ERCC6L2: variants seen among roughly 807,000 people sequenced by gnomAD.
ERCC6L2 encodes the protein ERCC excision repair 6 like 2, also known as DNA excision repair protein ERCC-6-like 2.
Under a neutral mutation model 132.0 loss-of-function variants are expected in ERCC6L2, and 77 were observed. That is an observed-to-expected ratio of 0.58 (90% CI 0.49 to 0.71). The LOEUF (loss-of-function observed/expected upper bound fraction) is 0.71. ERCC6L2 is among the 30% of genes least tolerant of loss of function. The pLI is 0.00. For synonymous variants in ERCC6L2, 583 were observed against 632.4 expected (o/e 0.92, Z 1.17); for missense variants, 1,542 against 1,837.6 (o/e 0.84, Z 2.94).
intron 17 of ERCC6L2, among the ~76,000 whole-genome samples, chr9:95,979,073 C>T (rs1464448240): frequency 6.6e-6 from 1 of 152,090 alleles, no homozygotes; most frequent in Non-Finnish European, 1.5e-5. Flanking sequence ...AAGTTTAAGA[C>T]AGGGAGAAAG....
chr9:95,884,950 A>T (rs1034985303), intron 2 of ERCC6L2, among the ~76,000 whole-genome samples: 1 of 152,122 alleles, frequency 6.6e-6, no homozygotes, highest in Non-Finnish European at 1.5e-5. Flanking sequence ...TTTTAAGGTG[A>T]ATTGGAAGGA....
intron 11 of ERCC6L2, among the ~76,000 whole-genome samples, chr9:95,938,023 T>C (rs1041350836): frequency 1.3e-5 from 2 of 151,972 alleles, no homozygotes; most frequent in Non-Finnish European, 2.9e-5. Context: ...TACATTATTA[T>C]TTATTTCTCC....
intron 2 of ERCC6L2, among the ~76,000 whole-genome samples, chr9:95,889,355 C>G (rs780363998): frequency 6.6e-6 from 1 of 152,060 alleles, no homozygotes; most frequent in Non-Finnish European, 1.5e-5. Context: ...TGGATTTGAT[C>G]TTATATTACC....
intron 13 of ERCC6L2, among the ~76,000 whole-genome samples, chr9:95,965,977 G>C (rs1832134911): frequency 6.6e-6 from 1 of 152,150 alleles, no homozygotes; most frequent in Admixed American, 6.6e-5. Flanking sequence ...CCAGCAAATA[G>C]TGCATATTAA....
chr9:95,974,908 T>C (rs540904242), intron 16 of ERCC6L2, among the ~76,000 whole-genome samples: 7 of 152,272 alleles, frequency 4.6e-5, no homozygotes, highest in African/African-American at 1.7e-4. Flanking sequence ...TTTAGCCTCT[T>C]TATTATATGT....
intron 18 of ERCC6L2, among the ~76,000 whole-genome samples, chr9:96,005,836 C>T (rs1833845452): frequency 1.3e-5 from 2 of 152,088 alleles, no homozygotes; most frequent in African/African-American, 4.8e-5. Flanking sequence ...CAAGGGGTAA[C>T]AAGAAGGAAC....
Position 95,933,459 on chromosome 9 carries a change from G to A in ERCC6L2, c.1751+4595G>A, listed in dbSNP as rs372880693. 9.9e-5 allele frequency among the ~76,000 whole-genome samples: 15 copies of A among 152,224 alleles called. No homozygotes were observed. The East Asian group carries it at 2.5e-3, about 25-fold the overall frequency. ...CAATCAGGACATTTGGGTTTGAATC[G>A]AGACACTTGCTACTTAGGAGACCTT... is the stretch of plus-strand genomic sequence containing the variant. On this transcript the variant is annotated intron_variant, in intron 11 of 18. Coordinates refer to ENST00000653738, the MANE Select transcript of ERCC6L2 (RefSeq NM_020207.7).
At chr9:95,896,479 T>A (rs1370259096) in intron 2 of ERCC6L2, among the ~76,000 whole-genome samples, 1 of 151,248 alleles carries the variant, frequency 6.6e-6, no homozygotes, top group Non-Finnish European at 1.5e-5. Context: ...TGGAGTGCAG[T>A]GGTGCAGTCA....
At chr9:96,038,644 A>G (rs565015158) in intron 19 of ERCC6L2, among the ~76,000 whole-genome samples, 51 of 152,232 alleles carry the variant, frequency 3.4e-4, no homozygotes, top group Non-Finnish European at 6.3e-4. Context: ...AAGGCTTCGC[A>G]AGGCAGCTCT....
chr9:96,039,056 C>A, exon 20 of ERCC6L2: 1 of 399,580 alleles, frequency 2.5e-6, no homozygotes, highest in Non-Finnish European at 5.0e-6. Flanking sequence ...TGATCATGGT[C>A]CTGGCTGACA....
chr9:96,031,193 A>G (rs2133266323), intron 19 of ERCC6L2, among the ~76,000 whole-genome samples: 1 of 152,242 alleles, frequency 6.6e-6, no homozygotes, highest in Non-Finnish European at 1.5e-5. Flanking sequence ...CAAGGAGCCC[A>G]GTGTCTAATG....
At chr9:95,881,468 G>T (rs942367660) in intron 2 of ERCC6L2, among the ~76,000 whole-genome samples, 175 bp downstream of exon 2, 6 of 152,124 alleles carry the variant, frequency 3.9e-5, no homozygotes, top group African/African-American at 1.4e-4. Context: ...CAATGTCTCA[G>T]TTATTTTATC....
intron 13 of ERCC6L2, among the ~76,000 whole-genome samples, chr9:95,963,144 CGTCTGTGTG>C (rs909245077): frequency 1.1e-4 from 12 of 107,996 alleles, no homozygotes; most frequent in African/African-American, 5.4e-4. Flanking sequence ...AAAGTCATCT[CGTCTGTGTG>C]TGTGTGTGTG....
intron 2 of ERCC6L2, 76 bp from the exon 3 acceptor site, chr9:95,897,773 A>G: frequency 7.1e-7 from 1 of 1,413,380 alleles, no homozygotes; most frequent in Non-Finnish European, 9.8e-7. Context: ...CACTAATTGA[A>G]TAGTCATGTA....
At chr9:95,883,334 C>T (rs547753599) in intron 2 of ERCC6L2, among the ~76,000 whole-genome samples, 1 of 152,288 alleles carries the variant, frequency 6.6e-6, no homozygotes, top group East Asian at 1.9e-4. Flanking sequence ...CTTGGCAATA[C>T]GTGTTGTCTC....
intron 4 of ERCC6L2, among the ~76,000 whole-genome samples, chr9:95,914,800 A>C (rs114688001): frequency 0.024 from 3,587 of 152,326 alleles, 126 homozygotes; most frequent in African/African-American, 0.072. Flanking sequence ...AACTTATCAC[A>C]CTATTTTTAA....
At chr9:95,896,147 T>C (rs531397296) in intron 2 of ERCC6L2, among the ~76,000 whole-genome samples, 1 of 152,328 alleles carries the variant, frequency 6.6e-6, no homozygotes, top group African/African-American at 2.4e-5. Context: ...ATCTTCTAAC[T>C]AGAGTCATTT....
chr9:95,952,847 A>G (rs1188639095), intron 12 of ERCC6L2, among the ~76,000 whole-genome samples: 1 of 152,112 alleles, frequency 6.6e-6, no homozygotes, highest in African/African-American at 2.4e-5. Flanking sequence ...CAATAAAAAA[A>G]AAAAAGGAAA....
At chr9:95,941,583 A>G (rs1830801446) in intron 12 of ERCC6L2, 34 bp downstream of exon 12, 6 of 1,424,122 alleles carry the variant, frequency 4.2e-6, no homozygotes, top group Non-Finnish European at 5.9e-6. Context: ...GTGATCTGCA[A>G]ATACTTTTAA....
Sources: gnomAD v4.1 joint callset for allele counts (sites outside exome capture counted in the v4.1 genomes callset) on GRCh38, gnomAD v4.1.1 for gene constraint, MANE v1.5 for transcripts, NCBI Gene and HGNC (gene_info 2026-07-23, HGNC 2026-07-21) for gene names.